The following IL1RAPL2 variants were observed in gnomAD, a reference collection of about 807,000 sequenced individuals.
IL1RAPL2 encodes X-linked interleukin-1 receptor accessory protein-like 2.
IL1RAPL2 carries 3 observed loss-of-function variants against 44.1 expected under a neutral mutation model. That is an observed-to-expected ratio of 0.07 (90% CI 0.03 to 0.18). The LOEUF is 0.18. Ranked by LOEUF, IL1RAPL2 falls within the 10% of genes least tolerant of loss-of-function variation. The pLI, the probability that IL1RAPL2 is intolerant of heterozygous loss-of-function variation, is 1.00. For missense variants in IL1RAPL2, 391 were observed against 496.4 expected (o/e 0.79, Z 2.02); for synonymous variants, 181 against 178.8 (o/e 1.01, Z -0.10).
intron 3 of IL1RAPL2, among the ~76,000 whole-genome samples, chrX:105,221,068 A>T (rs1291727075): frequency 2.2e-4 from 25 of 111,690 alleles, no homozygotes; most frequent in African/African-American, 6.8e-4. Context: ...CAGACTCCTA[A>T]ATCCTAGTAT....
chrX:105,455,713 G>T (rs2036050827), intron 5 of IL1RAPL2, among the ~76,000 whole-genome samples: 1 of 111,810 alleles, frequency 8.9e-6, no homozygotes. Context: ...ATCCTGTTTT[G>T]GTTGCTGTAG....
At chrX:105,218,077 C>T (rs1336755607) in intron 3 of IL1RAPL2, among the ~76,000 whole-genome samples, 1 of 110,767 alleles carries the variant, frequency 9.0e-6, no homozygotes, top group Non-Finnish European at 1.9e-5. Flanking sequence ...CAAACCTACA[C>T]GTTCTGCACA....
chrX:104,956,372 A>G (rs1254524434), intron 2 of IL1RAPL2, among the ~76,000 whole-genome samples: 2 of 111,494 alleles, frequency 1.8e-5, no homozygotes, highest in Non-Finnish European at 3.8e-5. Context: ...CTGTAATCCC[A>G]GCACTTTGGG....
At chrX:104,889,353 T>C (rs1255302441) in intron 2 of IL1RAPL2, among the ~76,000 whole-genome samples, 1 of 111,720 alleles carries the variant, frequency 9.0e-6, no homozygotes, top group Non-Finnish European at 1.9e-5. Context: ...GCCACTCAGT[T>C]TGATCCCAAC....
chrX:104,806,459 C>A (rs749970538), intron 2 of IL1RAPL2, among the ~76,000 whole-genome samples: 10 of 112,800 alleles, frequency 8.9e-5, no homozygotes, highest in African/African-American at 3.2e-4. Flanking sequence ...ACGGGAAAAA[C>A]TACTTCCTTG....
At position 104,764,116 on chromosome X, in the gene IL1RAPL2, T is replaced by C. The variant is rs192899858; in HGVS notation, c.82+105121T>C. Among the ~76,000 whole-genome samples, 44 of 111,306 alleles carry C rather than the reference T, an allele frequency of 4.0e-4. 1 individual carries two copies. In the East Asian group the frequency reaches 0.01, roughly 27 times the overall value. On this transcript the variant is annotated intron_variant, in intron 2 of 10. Coordinates refer to ENST00000372582, the MANE Select transcript of IL1RAPL2 (RefSeq NM_017416.2). ...GTGAAGAATGTCATTGGTATTTTGA[T>C]AGGGATGGCATTGAATCTGTAGATT...
chrX:105,598,445 T>G (rs1468017466), intron 6 of IL1RAPL2, among the ~76,000 whole-genome samples: 1 of 110,898 alleles, frequency 9.0e-6, no homozygotes, highest in Non-Finnish European at 1.9e-5. Context: ...AGGGGTAGAT[T>G]TTAGGTGCTC....
chrX:105,599,863 AT>A (rs1315951947), intron 6 of IL1RAPL2, among the ~76,000 whole-genome samples: 1 of 111,101 alleles, frequency 9.0e-6, no homozygotes, highest in Non-Finnish European at 1.9e-5. Context: ...GTAAAAAAAA[AT>A]CCATAGTGAA....
chrX:105,273,180 T>C (rs986891713), intron 5 of IL1RAPL2, among the ~76,000 whole-genome samples: 24 of 111,565 alleles, frequency 2.2e-4, no homozygotes, highest in Non-Finnish European at 3.6e-4. Flanking sequence ...ATACATTGCG[T>C]TTAGAGATTT....
intron 1 of IL1RAPL2, among the ~76,000 whole-genome samples, chrX:104,637,963 G>T (rs757066988): frequency 9.0e-6 from 1 of 111,255 alleles, no homozygotes; most frequent in Admixed American, 9.6e-5. Flanking sequence ...TAGAAGTTTG[G>T]TAGAACTTGG....
chrX:105,649,198 C>T (rs752840684), intron 6 of IL1RAPL2, among the ~76,000 whole-genome samples: 1 of 110,911 alleles, frequency 9.0e-6, no homozygotes, highest in Non-Finnish European at 1.9e-5. Context: ...ACATGGTCAC[C>T]TTTATCCTCT....
intron 6 of IL1RAPL2, among the ~76,000 whole-genome samples, chrX:105,497,717 T>C (rs2036365843): frequency 8.9e-6 from 1 of 111,851 alleles, no homozygotes; most frequent in Non-Finnish European, 1.9e-5. Context: ...ATTAAAAGGA[T>C]CATACATCAT....
intron 6 of IL1RAPL2, among the ~76,000 whole-genome samples, chrX:105,525,028 T>G (rs1367416191): frequency 8.9e-6 from 1 of 111,885 alleles, no homozygotes; most frequent in Non-Finnish European, 1.9e-5. Flanking sequence ...ATAAACATTC[T>G]AGGATATTTT....
At chrX:104,756,304 C>T (rs746674607) in intron 2 of IL1RAPL2, among the ~76,000 whole-genome samples, 3 of 110,914 alleles carry the variant, frequency 2.7e-5, no homozygotes, top group Non-Finnish European at 5.7e-5. Flanking sequence ...GGCTTTTCAC[C>T]CAACTTGTTC....
intron 6 of IL1RAPL2, among the ~76,000 whole-genome samples, chrX:105,643,401 A>G (rs1453360860): frequency 9.0e-6 from 1 of 111,446 alleles, no homozygotes; most frequent in East Asian, 2.8e-4. Context: ...GAGAGCAAAG[A>G]CCCAAGGCAG....
At chrX:105,456,785 TTC>T (rs2036057789) in intron 5 of IL1RAPL2, among the ~76,000 whole-genome samples, 1 of 111,158 alleles carries the variant, frequency 9.0e-6, no homozygotes, top group Non-Finnish European at 1.9e-5. Flanking sequence ...GTATTTTTAA[TTC>T]TTTTTCTTTC....
At chrX:104,625,024 G>A (rs1351270287) in intron 1 of IL1RAPL2, among the ~76,000 whole-genome samples, 1 of 111,568 alleles carries the variant, frequency 9.0e-6, no homozygotes, top group Non-Finnish European at 1.9e-5. Context: ...AAATAAGCAG[G>A]CATTACTCTT....
intron 1 of IL1RAPL2, among the ~76,000 whole-genome samples, chrX:104,569,285 T>G (rs752684851): frequency 3.6e-5 from 4 of 112,292 alleles, no homozygotes; most frequent in Non-Finnish European, 7.5e-5. Context: ...CTTCTACCAC[T>G]TTGACCTCTC....
At chrX:104,618,271 C>T (rs1929318106) in intron 1 of IL1RAPL2, among the ~76,000 whole-genome samples, 1 of 112,167 alleles carries the variant, frequency 8.9e-6, no homozygotes, top group Non-Finnish European at 1.9e-5. Context: ...CTCTCTGTTG[C>T]CTCAGGCAAT....
Sources: allele counts gnomAD v4.1 joint callset (sites outside exome capture counted in the v4.1 genomes callset), GRCh38; gene constraint gnomAD v4.1.1; transcripts MANE v1.5; gene names NCBI Gene and HGNC (gene_info 2026-07-23, HGNC 2026-07-21).